Variants in HMCN2 observed in about 807,000 individuals in gnomAD.
HMCN2 encodes the protein hemicentin 2.
HMCN2 carries 325 observed loss-of-function variants against 377.5 expected under a neutral mutation model. That is an observed-to-expected ratio of 0.86 (90% CI 0.79 to 0.94). The LOEUF is 0.94. Ranked by LOEUF, HMCN2 falls within the 40% of genes least tolerant of loss-of-function variation. The pLI is 0.00. For synonymous variants in HMCN2, 2,007 were observed against 2,046.8 expected (o/e 0.98, Z 0.53); for missense variants, 4,543 against 4,725.3 (o/e 0.96, Z 1.13).
rs1185560389 is a variant in HMCN2, at chr9:130,393,864, G to A, written c.10357G>A (p.Gly3453Arg). 2 of 1,289,678 alleles carry A rather than the reference G, an allele frequency of 1.6e-6. No individual in the cohort carries two copies. Among genetic ancestry groups the A allele is most frequent in the Non-Finnish European group, 2.0e-6 (2 of 988,812 alleles). 79.9% of individuals were successfully genotyped at this position (1,289,678 alleles called of 1,614,324 possible). A position where few individuals can be genotyped will look rare whatever the true frequency, so the allele number is the denominator to read the frequency against. The stretch of plus-strand genomic sequence containing the variant: ...GCCTCTCGTGTCGTGGATGAAGGAT[G>A]GGGAACCCTTGTTGTCCCAGAGCCT... ...PLPLVSWMKD[G>R]EPLLSQSLEQ... The change falls in exon 68 of 98, where the codon GGG becomes AGG. Residue 3453 changes from glycine (G) to arginine (R), a missense_variant. Coordinates refer to ENST00000683500, the MANE Select transcript of HMCN2 (RefSeq NM_001291815.2). This position sits in a 1 kb window ranked among gnomAD's most constrained non-coding sequence, Gnocchi z 5.2.
intron 74 of HMCN2, 40 bp downstream of exon 74, chr9:130,397,695 TC>T (rs1406636599): frequency 1.2e-5 from 16 of 1,286,242 alleles, no homozygotes; most frequent in Non-Finnish European, 1.5e-5. Context: ...CCAGTCCCTG[TC>T]GGGGTCCAGT....
intron 15 of HMCN2, among the ~76,000 whole-genome samples, chr9:130,312,392 T>C (rs1033144056): frequency 6.4e-4 from 97 of 151,548 alleles, no homozygotes; most frequent in African/African-American, 2.3e-3. Flanking sequence ...CCAGGGAGGG[T>C]GTACCTTGTG....
chr9:130,338,966 A>C (rs1838905468), intron 23 of HMCN2, among the ~76,000 whole-genome samples: 1 of 152,170 alleles, frequency 6.6e-6, no homozygotes. Flanking sequence ...AGGTGGGAGG[A>C]TGGCTTGGGC....
Position 130,323,393 on chromosome 9 carries a change from G to C in HMCN2, c.2920+1462G>C, listed in dbSNP as rs1414805876. ...ACCCCGTGTTCAAGCCTGCGAATCT[G>C]AGTGGTGCCCAGGGTGGGTGTGACA... On this transcript the variant is annotated intron_variant, in intron 19 of 97. Transcript: ENST00000683500. Among the ~76,000 whole-genome samples the C allele has an allele frequency of 3.9e-5, 6 of 152,290 alleles. No homozygotes were observed. In the East Asian group the frequency reaches 1.2e-3, roughly 29 times the overall value.
At chr9:130,416,853 G>A (rs1405791222) in intron 85 of HMCN2, among the ~76,000 whole-genome samples, 2 of 151,250 alleles carry the variant, frequency 1.3e-5, no homozygotes, top group African/African-American at 4.9e-5. Flanking sequence ...ATTAAGTTAA[G>A]GATCTTAAAG....
chr9:130,272,571 A>T (rs1292310512), intron 1 of HMCN2, among the ~76,000 whole-genome samples: 1 of 151,168 alleles, frequency 6.6e-6, no homozygotes. Flanking sequence ...ACTTTGAGAC[A>T]GGGTCTCATT....
At chr9:130,404,008 T>C (rs10901300) in intron 80 of HMCN2, 133 bp downstream of exon 80, 630,528 of 797,944 alleles carry the variant, frequency 0.79, 252,837 homozygotes, top group Non-Finnish European at 0.84. Context: ...AAAACATCTC[T>C]CATTGTGCGC....
chr9:130,431,701 C>A (rs75315506), intron 96 of HMCN2, among the ~76,000 whole-genome samples: 11,030 of 152,284 alleles, frequency 0.072, 629 homozygotes, highest in African/African-American at 0.16. Flanking sequence ...GCTCTGAGAT[C>A]ACGCGGGCAG....
chr9:130,423,463 G>A lies in HMCN2; in HGVS notation c.13381+737G>A, dbSNP rs1241178908. ...CTGAGCTGGCTGTCAGCAGACAGCA[G>A]ATGAAGCGAGACGCTGCCCAGACAT... On this transcript the variant is annotated intron_variant, in intron 87 of 97. Coordinates refer to ENST00000683500, the MANE Select transcript of HMCN2 (RefSeq NM_001291815.2). This position sits in a 1 kb window ranked among gnomAD's most constrained non-coding sequence, Gnocchi z 5.5. 6.6e-6 allele frequency among the ~76,000 whole-genome samples: 1 copy of A among 152,254 alleles called. No individual in the cohort carries two copies. The highest frequency in any genetic ancestry group is 1.5e-5 in the Non-Finnish European group (1 of 68,046).
At chr9:130,331,194 G>A (rs1027809389) in intron 22 of HMCN2, among the ~76,000 whole-genome samples, 3 of 151,654 alleles carry the variant, frequency 2.0e-5, no homozygotes, top group African/African-American at 4.8e-5. Flanking sequence ...ATTCCAGGGC[G>A]CTCGGCTCCC....
In HMCN2 at chr9:130,402,823, C is replaced by T. The variant is rs530872878; in HGVS notation, c.11805C>T (p.His3935=). The T allele has an allele frequency of 4.6e-4, 589 of 1,289,778 alleles. 4 individuals carry two copies. The highest frequency in any genetic ancestry group is 3.5e-3 in the South Asian group (284 of 81,026). 79.9% of individuals were successfully genotyped at this position (1,289,778 alleles called of 1,614,324 possible). A position where few individuals can be genotyped will look rare whatever the true frequency, so the allele number is the denominator to read the frequency against. The change falls in exon 78 of 98, where the codon CAC becomes CAT. Residue 3935 remains histidine, a synonymous_variant. Coordinates refer to ENST00000683500, the MANE Select transcript of HMCN2 (RefSeq NM_001291815.2). The part of the protein sequence containing the change: ...ALEIGQALPI[H]AGRYTCSARN... The stretch of plus-strand genomic sequence containing the variant: ...AGATCGGGCAGGCCCTCCCCATCCA[C>T]GCAGGCCGCTACACCTGCTCAGCCC...
chr9:130,429,601 C>T lies in HMCN2; in HGVS notation c.14242C>T (p.Gln4748Ter). The T allele has an allele frequency of 6.5e-7, 1 of 1,550,374 alleles. No individual in the cohort carries two copies. Among genetic ancestry groups the T allele is most frequent in the Non-Finnish European group, 8.7e-7 (1 of 1,146,874 alleles). Reference sequence around the variant, plus strand: ...GGGGTTGGACGACTGTCACTACAACCAGCTCTGCGAGAACACCCCAGGCGG... The same window carrying T: ...GGGGTTGGACGACTGTCACTACAACTAGCTCTGCGAGAACACCCCAGGCGG... ...LEGLDDCHYN[Q>*]LCENTPGGHR... The change falls in exon 94 of 98, where the codon CAG becomes TAG. Residue 4748 changes from glutamine to a stop codon, truncating the protein, a stop_gained. Transcript: ENST00000683500. LOFTEE classifies it high-confidence loss of function.
In HMCN2 at chr9:130,351,349, A is replaced by G. The variant is rs1839703837; in HGVS notation, c.4431-74A>G. On this transcript the variant is annotated intron_variant, in intron 29 of 97. Coordinates refer to ENST00000683500, the MANE Select transcript of HMCN2 (RefSeq NM_001291815.2). The surrounding 1 kb of genome is among the most constrained non-coding windows in gnomAD (Gnocchi z 5.4). Reference sequence around the variant, plus strand: ...CCCAGCCTCGCTTTTTACAAGCCACACACTCCCTGTGTGCAGCGTGTCCCA... The same window carrying G: ...CCCAGCCTCGCTTTTTACAAGCCACGCACTCCCTGTGTGCAGCGTGTCCCA... 1 of 1,164,418 alleles carries G rather than the reference A, an allele frequency of 8.6e-7. No homozygotes were observed. Among genetic ancestry groups the G allele is most frequent in the Non-Finnish European group, 1.1e-6 (1 of 895,784 alleles). 72.1% of individuals were successfully genotyped at this position (1,164,418 alleles called of 1,614,324 possible).
chr9:130,398,834 C>A, intron 75 of HMCN2, 127 bp downstream of exon 75: 1 of 807,370 alleles, frequency 1.2e-6, no homozygotes, highest in Non-Finnish European at 1.7e-6. Flanking sequence ...AGGACCAGAA[C>A]TTGTGTCTCA....
At chr9:130,406,549 C>T (rs1747161146) in intron 82 of HMCN2, 1 of 248,566 alleles carries the variant, frequency 4.0e-6, no homozygotes, top group Admixed American at 4.9e-5. Context: ...TAGGGAGACA[C>T]AGGGCCTGTG....
chr9:130,384,586 T>A, intron 58 of HMCN2, 52 bp downstream of exon 58: 1 of 1,302,036 alleles, frequency 7.7e-7, no homozygotes, highest in Non-Finnish European at 1.0e-6. Flanking sequence ...GGGGAGAGAG[T>A]TGCTCCCCCG....
At chr9:130,395,483 G>A in intron 71 of HMCN2, 136 bp downstream of exon 71, 1 of 708,674 alleles carries the variant, frequency 1.4e-6, no homozygotes, top group Non-Finnish European at 2.0e-6. Flanking sequence ...TTCCCCGGGT[G>A]TCATACCCCC....
rs140463549 is a variant in HMCN2, at chr9:130,401,812, G to A, written c.11770+865G>A. On this transcript the variant is annotated intron_variant, in intron 77 of 97. Coordinates refer to ENST00000683500, the MANE Select transcript of HMCN2 (RefSeq NM_001291815.2). ...TTCCAGGCCAGGCGCAGGGACTCAC[G>A]CCTGTAATTCCAGCACTTTGGGAGG... 7.0e-3 allele frequency among the ~76,000 whole-genome samples: 1,062 copies of A among 151,842 alleles called. 16 individuals are homozygous for A. The highest frequency in any genetic ancestry group is 0.024 in the African/African-American group (1,015 of 41,432).
Position 130,384,793 on chromosome 9 carries a change from T to C in HMCN2, c.9101T>C (p.Val3034Ala). Residue 3034 changes from valine to alanine, a missense_variant, in exon 59 of 98, where the codon GTT (valine) becomes GCT (alanine). Coordinates refer to ENST00000683500, the MANE Select transcript of HMCN2 (RefSeq NM_001291815.2). Reference protein sequence around the residue: ...GRDQKLVQLSVLVPPAFRQAP... With the variant: ...GRDQKLVQLSALVPPAFRQAP... ...GACCAGAAGCTGGTGCAGCTCAGTGTTCTGGGTATGTCCATGTCTGTCCCC... is the reference window on the plus strand; with the variant it reads ...GACCAGAAGCTGGTGCAGCTCAGTGCTCTGGGTATGTCCATGTCTGTCCCC... The C allele has an allele frequency of 7.7e-7, 1 of 1,303,080 alleles. No homozygotes were observed. The highest frequency in any genetic ancestry group is 1.0e-6 in the Non-Finnish European group (1 of 988,630). 80.7% of individuals were successfully genotyped at this position (1,303,080 alleles called of 1,614,324 possible).
Sources: allele counts gnomAD v4.1 joint callset (sites outside exome capture counted in the v4.1 genomes callset), GRCh38; gene constraint gnomAD v4.1.1; non-coding constraint Gnocchi (gnomAD v3.1); transcripts MANE v1.5; gene names NCBI Gene and HGNC (gene_info 2026-07-23, HGNC 2026-07-21).